TP63: variants seen among roughly 807,000 people sequenced by gnomAD.
The protein encoded by TP63 is tumor protein 63.
TP63 carries 17 observed loss-of-function variants against 82.8 expected under a neutral mutation model. The ratio of observed to expected loss-of-function variants is 0.21; its 90% confidence interval spans 0.14 to 0.31. TP63 has a LOEUF of 0.31. Ranked by LOEUF, TP63 falls within the 10% of genes least tolerant of loss-of-function variation. TP63 has a pLI of 1.00. For synonymous variants in TP63, 330 were observed against 321.7 expected (o/e 1.03, Z -0.28); for missense variants, 648 against 895.3 (o/e 0.72, Z 3.52).
intron 1 of TP63, among the ~76,000 whole-genome samples, chr3:189,710,373 CCACT>C (rs1341246866): frequency 2.0e-5 from 3 of 152,144 alleles, no homozygotes; most frequent in African/African-American, 4.8e-5. Flanking sequence ...TTACAGGTCA[CCACT>C]CAGTTTCTCA....
intron 1 of TP63, among the ~76,000 whole-genome samples, chr3:189,681,220 G>T (rs1040255966): frequency 1.3e-5 from 2 of 149,984 alleles, no homozygotes; most frequent in Non-Finnish European, 3.0e-5. Context: ...TCTTACTTCT[G>T]TGCTCCTATA....
In TP63 at chr3:189,654,967, G is replaced by A. The variant is rs552435336; in HGVS notation, c.62+23390G>A. Among the ~76,000 whole-genome samples the A allele has an allele frequency of 3.9e-4, 59 of 152,226 alleles. No individual in the cohort carries two copies. In the South Asian group the frequency reaches 5.6e-3, roughly 14 times the overall value. On this transcript the variant is annotated intron_variant, in intron 1 of 13. Coordinates refer to ENST00000264731, the MANE Select transcript of TP63 (RefSeq NM_003722.5). ...GAGAACACCTGGATGGAAATATCAC[G>A]GAACAGTTCTTGAACTATATAGGAC...
In TP63 at chr3:189,783,940, T is replaced by A. The variant is rs185971434; in HGVS notation, c.325-24332T>A. Among the ~76,000 whole-genome samples, 9 of 151,954 alleles carry A rather than the reference T, an allele frequency of 5.9e-5. No homozygotes were observed. In the East Asian group the frequency reaches 1.5e-3, roughly 26 times the overall value. On this transcript the variant is annotated intron_variant, in intron 3 of 13. Transcript: ENST00000264731. ...GACCCAGTACTTTTAGTTGTAGGAG[T>A]ACTTAACAGGGGAAAATACTCAAAA... is the stretch of plus-strand genomic sequence containing the variant.
chr3:189,624,838 A>C, the TP63 span, among the ~76,000 whole-genome samples: 5 of 152,196 alleles, frequency 3.3e-5, no homozygotes, highest in African/African-American at 1.2e-4. Context: ...GCCATTGTTG[A>C]ACCAACACAC....
intron 3 of TP63, among the ~76,000 whole-genome samples, chr3:189,747,228 C>T (rs921141715): frequency 1.2e-4 from 18 of 152,082 alleles, no homozygotes; most frequent in Non-Finnish European, 5.9e-5. Flanking sequence ...TGGATTTGAA[C>T]TGCACATTAG....
chr3:189,779,360 A>T (rs1576937158), intron 3 of TP63, among the ~76,000 whole-genome samples: 1 of 152,188 alleles, frequency 6.6e-6, no homozygotes, highest in East Asian at 1.9e-4. Flanking sequence ...ACAGAGGCAC[A>T]CCTACTTGGT....
rs868611929 is a variant in TP63, at chr3:189,741,370, G to T, written c.324+2596G>T. ...GAAAAATGGTAAACTTACCCAGGAT[G>T]TTAATAGCTAGTGTTCTGGTTTAGA... On this transcript the variant is annotated intron_variant, in intron 3 of 13. Transcript: ENST00000264731. 7.2e-5 allele frequency among the ~76,000 whole-genome samples: 11 copies of T among 152,320 alleles called. No homozygotes were observed. In the South Asian group the frequency reaches 8.3e-4, roughly 11 times the overall value.
intron 4 of TP63, among the ~76,000 whole-genome samples, chr3:189,820,581 A>G (rs1219720366): frequency 1.3e-5 from 2 of 152,222 alleles, no homozygotes; most frequent in Non-Finnish European, 2.9e-5. Flanking sequence ...AGAAGGGACA[A>G]AAGGAGAAAG....
chr3:189,716,858 G>C (rs1718999677), intron 1 of TP63, among the ~76,000 whole-genome samples: 1 of 151,872 alleles, frequency 6.6e-6, no homozygotes, highest in Non-Finnish European at 1.5e-5. Context: ...TAGTGCAGTG[G>C]CGCAATCTCG....
chr3:189,743,305 A>T (rs2108510126), intron 3 of TP63, among the ~76,000 whole-genome samples: 1 of 152,352 alleles, frequency 6.6e-6, no homozygotes, highest in African/African-American at 2.4e-5. Flanking sequence ...TAATGATAAT[A>T]ACCAATGCTA....
chr3:189,793,806 TA>T (rs1053603665), intron 3 of TP63, among the ~76,000 whole-genome samples: 1 of 152,092 alleles, frequency 6.6e-6, no homozygotes. Flanking sequence ...ATTTTGAAGA[TA>T]AAAAATTGTT....
the TP63 span, among the ~76,000 whole-genome samples, chr3:189,614,511 A>C: frequency 6.6e-6 from 1 of 152,226 alleles, no homozygotes; most frequent in Non-Finnish European, 1.5e-5. Context: ...CACCCCAGGC[A>C]ACTTTGCTAG....
At chr3:189,709,045 C>T (rs1718406529) in intron 1 of TP63, among the ~76,000 whole-genome samples, 1 of 152,152 alleles carries the variant, frequency 6.6e-6, no homozygotes, top group Admixed American at 6.5e-5. Flanking sequence ...TAGTTAGATT[C>T]ATCCTTGTTT....
chr3:189,804,007 A>G lies in TP63; in HGVS notation c.325-4265A>G, dbSNP rs116285501. On this transcript the variant is annotated intron_variant, in intron 3 of 13. Coordinates refer to ENST00000264731, the MANE Select transcript of TP63 (RefSeq NM_003722.5). ...AAATCAAGATGCCTTGTGTTTAGAA[A>G]GGGAGAACCTGCTTCCTATTTCATT... Among the ~76,000 whole-genome samples the G allele has an allele frequency of 6.7e-3, 1,015 of 152,316 alleles. 8 individuals carry two copies. Among genetic ancestry groups the G allele is most frequent in the African/African-American group, 0.023 (973 of 41,570 alleles).
intron 4 of TP63, among the ~76,000 whole-genome samples, chr3:189,848,485 C>T (rs1439702010): frequency 6.6e-6 from 1 of 151,878 alleles, no homozygotes; most frequent in African/African-American, 2.4e-5. Flanking sequence ...TCCCAAAATG[C>T]TGGGATGACA....
chr3:189,609,912 G>A, the TP63 span, among the ~76,000 whole-genome samples: 2 of 152,154 alleles, frequency 1.3e-5, no homozygotes. Flanking sequence ...TGGGATTCCT[G>A]GGTAGAATGG....
chr3:189,848,859 G>C (rs951193907), intron 4 of TP63, among the ~76,000 whole-genome samples: 2 of 152,098 alleles, frequency 1.3e-5, no homozygotes, highest in East Asian at 1.9e-4. Flanking sequence ...AAAATCCTTG[G>C]AATTTCCAAA....
intron 4 of TP63, among the ~76,000 whole-genome samples, chr3:189,853,837 C>G (rs1715953807): frequency 2.0e-5 from 3 of 152,088 alleles, no homozygotes; most frequent in Admixed American, 2.0e-4. Context: ...AATGTATTAC[C>G]TAGTAGTTAA....
intron 1 of TP63, among the ~76,000 whole-genome samples, chr3:189,728,014 G>A (rs892569467): frequency 3.5e-4 from 54 of 152,116 alleles, no homozygotes; most frequent in Admixed American, 2.0e-3. Flanking sequence ...TTGAGAACAT[G>A]TTTTATGTTT....
Sources: gnomAD v4.1 joint callset for allele counts (sites outside exome capture counted in the v4.1 genomes callset) on GRCh38, gnomAD v4.1.1 for gene constraint, MANE v1.5 for transcripts, NCBI Gene and HGNC (gene_info 2026-07-23, HGNC 2026-07-21) for gene names.